The following RIC1 variants were observed in gnomAD, a reference collection of about 807,000 sequenced individuals.
The protein encoded by RIC1 is guanine nucleotide exchange factor subunit RIC1.
Under a neutral mutation model 169.0 loss-of-function variants are expected in RIC1, and 88 were observed. That is an observed-to-expected ratio of 0.52 (90% CI 0.44 to 0.62). RIC1 has a LOEUF of 0.62. RIC1 is among the 20% of genes least tolerant of loss of function. The pLI, the probability that RIC1 is intolerant of heterozygous loss-of-function variation, is 0.00. For missense variants in RIC1, 1,877 were observed against 1,725.5 expected, an observed-to-expected ratio of 1.09 and a Z score of -1.56; for synonymous variants, 790 against 601.5, an observed-to-expected ratio of 1.31 and a Z score of -4.59.
intron 6 of RIC1, among the ~76,000 whole-genome samples, chr9:5,727,201 T>C (rs576768049): frequency 9.8e-4 from 150 of 152,374 alleles, no homozygotes; most frequent in Non-Finnish European, 1.9e-3. Flanking sequence ...CAGTCAGACG[T>C]AGATTTCATC....
intron 3 of RIC1, 60 bp downstream of exon 3, chr9:5,690,098 AC>A (rs1380380896): frequency 3.0e-5 from 36 of 1,189,402 alleles, no homozygotes; most frequent in Non-Finnish European, 4.0e-5. Flanking sequence ...ATTCAGAAAA[AC>A]ATTACAGTTT....
intron 7 of RIC1, among the ~76,000 whole-genome samples, chr9:5,736,529 A>G (rs948817372): frequency 6.6e-6 from 1 of 152,200 alleles, no homozygotes; most frequent in Admixed American, 6.6e-5. Context: ...AGATAAGCAC[A>G]TGGAAATCAG....
intron 2 of RIC1, among the ~76,000 whole-genome samples, chr9:5,686,814 C>T (rs1456402609): frequency 6.6e-6 from 1 of 151,892 alleles, no homozygotes; most frequent in East Asian, 1.9e-4. Context: ...GGGATCTTGG[C>T]CTGTAGTTAT....
intron 3 of RIC1, among the ~76,000 whole-genome samples, chr9:5,701,486 C>G (rs1454051467): frequency 6.6e-6 from 1 of 151,784 alleles, no homozygotes; most frequent in African/African-American, 2.4e-5. Flanking sequence ...GTAATCCCGG[C>G]TACTCAGGAG....
intron 1 of RIC1, among the ~76,000 whole-genome samples, chr9:5,641,559 T>C (rs970614527): frequency 6.6e-6 from 1 of 152,136 alleles, no homozygotes; most frequent in South Asian, 2.1e-4. Flanking sequence ...ATACCTCTTA[T>C]ATTTGCCCTT....
intron 1 of RIC1, among the ~76,000 whole-genome samples, chr9:5,638,056 G>A (rs369920235): frequency 6.6e-6 from 1 of 152,104 alleles, no homozygotes; most frequent in Non-Finnish European, 1.5e-5. Context: ...TTTTATGAAG[G>A]GATGTTGAAT....
intron 17 of RIC1, among the ~76,000 whole-genome samples, chr9:5,759,552 A>T (rs1167411387): frequency 6.6e-6 from 1 of 152,230 alleles, no homozygotes; most frequent in African/African-American, 2.4e-5. Context: ...CAGTAAGCTC[A>T]TTTGTATCTT....
intron 12 of RIC1, among the ~76,000 whole-genome samples, chr9:5,752,151 G>A (rs942537983): frequency 6.6e-6 from 1 of 152,142 alleles, no homozygotes; most frequent in Non-Finnish European, 1.5e-5. Flanking sequence ...AAATTGAAAG[G>A]TGTTGTTAGG....
Position 5,713,883 on chromosome 9 carries a change from C to A in RIC1, c.333-13C>A. On this transcript the variant is annotated splice_polypyrimidine_tract_variant and intron_variant, in intron 3 of 25. Coordinates refer to ENST00000414202, the MANE Select transcript of RIC1 (RefSeq NM_020829.4). ...TTCAGCATCTTTCTTTAACTCTATG[C>A]TGTTTGTTTTAGAGGAAGTCCACAA... 6.3e-7 allele frequency: 1 copy of A among 1,581,028 alleles called. No individual in the cohort carries two copies.
At chr9:5,771,250 C>T (rs533275392) in intron 23 of RIC1, among the ~76,000 whole-genome samples, 1 of 152,270 alleles carries the variant, frequency 6.6e-6, no homozygotes, top group Non-Finnish European at 1.5e-5. Context: ...GTGGCAACCA[C>T]CATTTTATTT....
At chr9:5,689,235 T>TAC (rs1490221015) in intron 2 of RIC1, among the ~76,000 whole-genome samples, 1 of 151,726 alleles carries the variant, frequency 6.6e-6, no homozygotes, top group Non-Finnish European at 1.5e-5. Flanking sequence ...ATTTTTTTAG[T>TAC]AGAGACAGGG....
intron 1 of RIC1, among the ~76,000 whole-genome samples, chr9:5,648,345 G>T (rs954943825): frequency 6.6e-6 from 1 of 152,026 alleles, no homozygotes; most frequent in Non-Finnish European, 1.5e-5. Flanking sequence ...TCTATTCATA[G>T]TTTTTTGAGT....
At chr9:5,639,538 G>A (rs1339812126) in intron 1 of RIC1, among the ~76,000 whole-genome samples, 4 of 152,190 alleles carry the variant, frequency 2.6e-5, no homozygotes, top group Non-Finnish European at 5.9e-5. Flanking sequence ...TCCATGTACT[G>A]AGGGAAAGAA....
rs146834937 is a variant in RIC1, at chr9:5,762,588, C to G, written c.2040C>G (p.Ile680Met). ...SIMLNLAGQL[I>M]MMQRDRSGPQ... ...TGTTAAACCTGGCAGGACAGCTCAT[C>G]ATGATGCAGAGGGACAGGTCAGGCC... The change falls in exon 18 of 26, where the codon ATC becomes ATG. Residue 680 changes from isoleucine to methionine, a missense_variant. By Grantham distance (10) the Ile-to-Met change is conservative. This residue lies in a region of RIC1 where 1,104 missense variants were observed against 992.0 expected (regional missense o/e 1.11). Transcript: ENST00000414202. The G allele has an allele frequency of 2.0e-4, 316 of 1,614,018 alleles. 1 individual carries two copies. The highest frequency in any genetic ancestry group is 1.9e-5 in the Non-Finnish European group (22 of 1,179,922).
chr9:5,728,206 C>T (rs1203401277), intron 6 of RIC1, among the ~76,000 whole-genome samples: 1 of 152,222 alleles, frequency 6.6e-6, no homozygotes, highest in Non-Finnish European at 1.5e-5. Context: ...TTGGAGCTTC[C>T]CTGCCACTTT....
chr9:5,670,551 A>T (rs1207068735), intron 2 of RIC1, among the ~76,000 whole-genome samples: 1 of 152,170 alleles, frequency 6.6e-6, no homozygotes, highest in Non-Finnish European at 1.5e-5. Flanking sequence ...ATTCTTAACC[A>T]TGTAATATAA....
rs1222478100 is a variant in RIC1, at chr9:5,747,329, G to A, written c.1276G>A (p.Gly426Ser). The A allele has an allele frequency of 6.2e-7, 1 of 1,613,874 alleles. No homozygotes were observed. The highest frequency in any genetic ancestry group is 1.3e-5 in the African/African-American group (1 of 74,896). Residue 426 changes from glycine to serine, a missense_variant, in exon 12 of 26, where the codon GGT (glycine) becomes AGT (serine). Around this residue, in one of 3 missense-constraint regions of RIC1, gnomAD observed 1,104 missense variants for 992.0 expected, o/e 1.11. Transcript: ENST00000414202. ...MSNQEQVLLQ[G>S]EDRLYLNCGE... ...TAACCAAGAGCAGGTGTTGCTTCAG[G>A]GTGAGGATCGCTTGTACTTGAACTG...
chr9:5,716,582 C>T (rs1201774706), intron 4 of RIC1, among the ~76,000 whole-genome samples: 1 of 152,170 alleles, frequency 6.6e-6, no homozygotes, highest in East Asian at 1.9e-4. Context: ...CACTGCACTC[C>T]AGCCAGGGCA....
rs182099336 is a variant in RIC1 at position 5,664,503 on chromosome 9, C to G, written c.252+7813C>G. 4.8e-4 allele frequency among the ~76,000 whole-genome samples: 73 copies of G among 152,250 alleles called. 1 individual carries two copies. In the East Asian group the frequency reaches 0.01, roughly 21 times the overall value. ...CTATTGTTAGTCTCATGGGCCTCCCCTTCGTAGGTGACCTGGTCTTTCTGT... is the reference window on the plus strand; with the variant it reads ...CTATTGTTAGTCTCATGGGCCTCCCGTTCGTAGGTGACCTGGTCTTTCTGT... On this transcript the variant is annotated intron_variant, in intron 2 of 25. Transcript: ENST00000414202.
Sources: allele counts gnomAD v4.1 joint callset (sites outside exome capture counted in the v4.1 genomes callset), GRCh38; gene constraint gnomAD v4.1.1; regional missense constraint gnomAD v4.1.1; transcripts MANE v1.5; gene names NCBI Gene and HGNC (gene_info 2026-07-23, HGNC 2026-07-21).